The following XDH variants were observed in gnomAD, a reference collection of about 807,000 sequenced individuals.
XDH encodes xanthine dehydrogenase.
Under a neutral mutation model 156.1 loss-of-function variants are expected in XDH, and 138 were observed. That is an observed-to-expected ratio of 0.88 (90% CI 0.77 to 1.02). XDH has a LOEUF of 1.02. XDH is among the 50% of genes least tolerant of loss of function. XDH has a pLI of 0.00. For synonymous variants in XDH, 669 were observed against 625.7 expected, an observed-to-expected ratio of 1.07 and a Z score of -1.03; for missense variants, 1,849 against 1,684.9, an observed-to-expected ratio of 1.10 and a Z score of -1.71.
At chr2:31,337,618 TG>T in intron 35 of XDH, 22 bp downstream of exon 35, 1 of 1,613,478 alleles carries the variant, frequency 6.2e-7, no homozygotes, top group Non-Finnish European at 8.5e-7. Flanking sequence ...CTGGACTGAG[TG>T]GATGCTTGAG....
Position 31,377,132 on chromosome 2 carries a change from G to C in XDH, c.1348C>G (p.Gln450Glu), listed in dbSNP as rs764568805. Residue 450 changes from glutamine (Q) to glutamate (E), a missense_variant, in exon 14 of 36, where the codon CAG becomes GAG. Transcript: ENST00000379416. ...CCACCATAGCAAAGGGCCAGCTCCT[G>C]TACCTCTGTGGTTCCTGGCTTGAAT... Reference protein sequence around the residue: ...VLFKPGTTEVQELALCYGGMA... With the variant: ...VLFKPGTTEVEELALCYGGMA... 3.1e-6 allele frequency: 5 copies of C among 1,614,026 alleles called. No individual in the cohort carries two copies. In the Admixed American group the frequency reaches 6.7e-5, roughly 22 times the overall value.
At chr2:31,410,979 G>A (rs993736463) in intron 1 of XDH, among the ~76,000 whole-genome samples, 3 of 152,124 alleles carry the variant, frequency 2.0e-5, no homozygotes, top group African/African-American at 7.2e-5. Context: ...ATGGACTACA[G>A]TTTTGTAAGA....
intron 4 of XDH, 27 bp from the exon 5 acceptor site, chr2:31,398,726 C>A: frequency 3.1e-6 from 5 of 1,612,642 alleles, no homozygotes; most frequent in Non-Finnish European, 4.2e-6. Context: ...ACATAGACAC[C>A]TGGGATGGCA....
At chr2:31,389,836 G>T (rs1295337542) in intron 6 of XDH, among the ~76,000 whole-genome samples, 2 of 149,972 alleles carry the variant, frequency 1.3e-5, no homozygotes, top group African/African-American at 5.0e-5. Context: ...TTCTGCACTG[G>T]TGCCTTTAAA....
rs759198878 is a variant in XDH, at chr2:31,377,128, T to C, written c.1352A>G (p.Glu451Gly). The change falls in exon 14 of 36, where the codon GAG (glutamate) becomes GGG (glycine). Residue 451 changes from glutamate (E) to glycine (G), a missense_variant. Coordinates refer to ENST00000379416, the MANE Select transcript of XDH (RefSeq NM_000379.4). ...LFKPGTTEVQ[E>G]LALCYGGMAN... ...CATTCCACCATAGCAAAGGGCCAGCTCCTGTACCTCTGTGGTTCCTGGCTT... is the reference window on the plus strand; with the variant it reads ...CATTCCACCATAGCAAAGGGCCAGCCCCTGTACCTCTGTGGTTCCTGGCTT... 6.2e-7 allele frequency: 1 copy of C among 1,614,158 alleles called. No individual in the cohort carries two copies. The highest frequency in any genetic ancestry group is 8.5e-7 in the Non-Finnish European group (1 of 1,180,044).
intron 8 of XDH, among the ~76,000 whole-genome samples, chr2:31,387,529 T>C (rs1434755141): frequency 6.6e-6 from 1 of 152,164 alleles, no homozygotes; most frequent in Non-Finnish European, 1.5e-5. Context: ...ACAGTGTGCC[T>C]AGAGAGCCAG....
At chr2:31,405,271 A>G (rs192281934) in intron 2 of XDH, among the ~76,000 whole-genome samples, 5 of 152,188 alleles carry the variant, frequency 3.3e-5, no homozygotes, top group East Asian at 3.9e-4. Context: ...ATTAACTCCA[A>G]TTATTATTAT....
intron 1 of XDH, among the ~76,000 whole-genome samples, chr2:31,409,146 T>C (rs1572574890): frequency 6.6e-6 from 1 of 151,810 alleles, no homozygotes; most frequent in Admixed American, 6.6e-5. Context: ...CTGGAAAGGG[T>C]AGTAGGGGGT....
chr2:31,336,008 A>G lies in XDH; in HGVS notation c.3952T>C (p.Cys1318Arg). 1.2e-6 allele frequency: 2 copies of G among 1,614,204 alleles called. No individual in the cohort carries two copies. The highest frequency in any genetic ancestry group is 3.3e-5 in the Admixed American group (2 of 60,032). The change falls in exon 36 of 36, where the codon TGT becomes CGT. Residue 1318 changes from cysteine to arginine, a missense_variant and splice_region_variant. Cys to Arg is a radical substitution (Grantham distance 180). Coordinates refer to ENST00000379416, the MANE Select transcript of XDH (RefSeq NM_000379.4). The part of the protein sequence containing the change: ...NACVDKFTTL[C>R]VTGVPENCKP... Reference sequence around the variant, plus strand: ...CAGTTTTCTGGGACACCAGTGACACACTAGGAAGGAATGATAGTGTTCTCA... The same window carrying G: ...CAGTTTTCTGGGACACCAGTGACACGCTAGGAAGGAATGATAGTGTTCTCA...
intron 6 of XDH, among the ~76,000 whole-genome samples, chr2:31,390,365 C>G (rs1686729028): frequency 6.6e-6 from 1 of 152,228 alleles, no homozygotes; most frequent in African/African-American, 2.4e-5. Flanking sequence ...CATTTTGGCA[C>G]TGAATTAACA....
intron 10 of XDH, 150 bp from the exon 11 acceptor site, chr2:31,383,302 G>A: frequency 7.9e-7 from 1 of 1,265,504 alleles, no homozygotes; most frequent in Non-Finnish European, 1.1e-6. Flanking sequence ...GGCCCAGAGT[G>A]GTTGAGTGAC....
chr2:31,385,066 G>A (rs1322025875), intron 9 of XDH, among the ~76,000 whole-genome samples: 1 of 152,200 alleles, frequency 6.6e-6, no homozygotes, highest in Non-Finnish European at 1.5e-5. Context: ...ATGGCAGGGA[G>A]CATGCAAGTG....
rs553743373 is a variant in XDH, at chr2:31,344,793, C to G, written c.3352-57G>C. 331 of 1,591,020 alleles carry G rather than the reference C, an allele frequency of 2.1e-4. 1 individual carries two copies. In the East Asian group the frequency reaches 6.6e-3, roughly 32 times the overall value. ...AAGTGAGGTTTTCAGGAACCCTGAC[C>G]TGCCACTAAGCTTTCAGGAGCTCAC... On this transcript the variant is annotated intron_variant, in intron 30 of 35. Coordinates refer to ENST00000379416, the MANE Select transcript of XDH (RefSeq NM_000379.4).
intron 3 of XDH, among the ~76,000 whole-genome samples, chr2:31,402,269 T>G (rs1462741815): frequency 6.6e-6 from 1 of 152,234 alleles, no homozygotes; most frequent in African/African-American, 2.4e-5. Context: ...TGTATAATTG[T>G]AACCAATCAA....
chr2:31,381,588 C>T (rs997060253), intron 12 of XDH, 45 bp downstream of exon 12: 37 of 1,595,756 alleles, frequency 2.3e-5, no homozygotes, highest in Non-Finnish European at 2.7e-5. Context: ...TGAGACTTTT[C>T]TCCCCCAAGT....
chr2:31,343,205 G>A (rs1389343829), intron 31 of XDH, among the ~76,000 whole-genome samples: 4 of 147,146 alleles, frequency 2.7e-5, no homozygotes, highest in Non-Finnish European at 5.9e-5. Context: ...AATGTAATAG[G>A]AATTTATGAG....
intron 12 of XDH, among the ~76,000 whole-genome samples, chr2:31,381,247 C>T (rs1686429660): frequency 6.6e-6 from 1 of 152,140 alleles, no homozygotes; most frequent in South Asian, 2.1e-4. Flanking sequence ...CCTCCTGCCT[C>T]AGCCTCTCAA....
intron 14 of XDH, 28 bp downstream of exon 14, chr2:31,377,025 G>A (rs772894579): frequency 2.5e-6 from 4 of 1,613,538 alleles, no homozygotes; most frequent in Non-Finnish European, 3.4e-6. Context: ...AACATTAGCA[G>A]CAGTTTCATT....
At position 31,337,744 on chromosome 2, in the gene XDH, C is replaced by T. The variant is rs764753696; in HGVS notation, c.3848G>A (p.Arg1283Gln). 1.4e-5 allele frequency: 22 copies of T among 1,614,210 alleles called. No homozygotes were observed. The highest frequency in any genetic ancestry group is 2.2e-5 in the East Asian group (1 of 44,886). ...CACGTTATTACCTGTGTGCTGAGCT[C>T]GAGCTGCACGGATGGCATCTTTGAT... ...FAIKDAIRAA[R>Q]AQHTGNNVKE... Residue 1283 changes from arginine to glutamine, a missense_variant, in exon 35 of 36, where the codon CGA becomes CAA. Physicochemically the swap from Arg to Gln is conservative, Grantham distance 43. Transcript: ENST00000379416.
Sources: allele counts gnomAD v4.1 joint callset (sites outside exome capture counted in the v4.1 genomes callset), GRCh38; gene constraint gnomAD v4.1.1; transcripts MANE v1.5; gene names NCBI Gene and HGNC (gene_info 2026-07-23, HGNC 2026-07-21).